Variants in CRACDL observed in about 807,000 individuals in gnomAD.
CRACDL encodes the protein CRACD-like protein.
Under a neutral mutation model 70.6 loss-of-function variants are expected in CRACDL, and 26 were observed. The ratio of observed to expected loss-of-function variants is 0.37; its 90% confidence interval spans 0.27 to 0.51. The LOEUF is 0.51. CRACDL is among the 20% of genes least tolerant of loss of function. The probability of loss-of-function intolerance (pLI) is 0.94; values close to 1 mark genes in which losing one functional copy is unlikely to be tolerated. For missense variants in CRACDL, 1,283 were observed against 1,376.9 expected, an observed-to-expected ratio of 0.93 and a Z score of 1.08; for synonymous variants, 618 against 615.2, an observed-to-expected ratio of 1.00 and a Z score of -0.07.
intron 1 of CRACDL, among the ~76,000 whole-genome samples, chr2:98,927,140 T>C (rs1573210474): frequency 6.6e-6 from 1 of 152,178 alleles, no homozygotes; most frequent in Non-Finnish European, 1.5e-5. Flanking sequence ...ACTATGGACG[T>C]ATCTGGTTTC....
At position 98,838,296 on chromosome 2, in the gene CRACDL, A is replaced by T. The variant is rs777944858; in HGVS notation, c.71-9T>A. The T allele has an allele frequency of 1.1e-5, 16 of 1,495,728 alleles. No individual in the cohort carries two copies. The African/African-American group carries it at 2.2e-4, about 21-fold the overall frequency. The allele number at this position is 1,495,728 out of a possible 1,614,324, so 92.7% of individuals were successfully genotyped here. Reference sequence around the variant, plus strand: ...TTTAGATTTTTTCTTTCCTATACAGATTAGAGAAAAAAATAATAAATAAGA... The same window carrying T: ...TTTAGATTTTTTCTTTCCTATACAGTTTAGAGAAAAAAATAATAAATAAGA... On this transcript the variant is annotated splice_polypyrimidine_tract_variant and intron_variant, in intron 2 of 9. Transcript: ENST00000397899.
At chr2:98,801,117 C>G (rs1363350733) in intron 7 of CRACDL, among the ~76,000 whole-genome samples, 1 of 152,250 alleles carries the variant, frequency 6.6e-6, no homozygotes, top group Non-Finnish European at 1.5e-5. Context: ...CTGCCTCTTT[C>G]CCTGCAACTG....
intron 1 of CRACDL, among the ~76,000 whole-genome samples, chr2:98,869,957 T>A (rs1261042574): frequency 6.6e-6 from 1 of 152,080 alleles, no homozygotes; most frequent in East Asian, 1.9e-4. Flanking sequence ...ACCTGACAGG[T>A]GCAGGGGCCA....
chr2:98,907,262 A>G (rs2104668423), intron 1 of CRACDL, among the ~76,000 whole-genome samples: 1 of 152,348 alleles, frequency 6.6e-6, no homozygotes, highest in Admixed American at 6.5e-5. Context: ...ATTGCACTGC[A>G]GCCTAGGCGA....
In CRACDL at chr2:98,799,688, G is replaced by T. The variant is rs115129938; in HGVS notation, c.2417-2151C>A. Among the ~76,000 whole-genome samples the T allele has an allele frequency of 6.7e-3, 1,015 of 152,260 alleles. 2 individuals carry two copies. Among genetic ancestry groups the T allele is most frequent in the Middle Eastern group, 0.02 (6 of 294 alleles). ...CTCCTCCTCTACCCTTAGCTCAAAT[G>T]GCCTCTGCCTATGTCTCGTCAGCCA... On this transcript the variant is annotated intron_variant, in intron 7 of 9. Coordinates refer to ENST00000397899, the MANE Select transcript of CRACDL (RefSeq NM_207362.3).
chr2:98,857,847 G>A (rs1008891167), intron 1 of CRACDL, among the ~76,000 whole-genome samples: 2 of 152,152 alleles, frequency 1.3e-5, no homozygotes, highest in African/African-American at 2.4e-5. Context: ...ATGTGTATGT[G>A]TATGTGTGTA....
At chr2:98,859,679 A>G (rs1422414146) in intron 1 of CRACDL, among the ~76,000 whole-genome samples, 1 of 152,200 alleles carries the variant, frequency 6.6e-6, no homozygotes, top group Non-Finnish European at 1.5e-5. Context: ...AAGGGCATCT[A>G]TGAAAAACCT....
intron 1 of CRACDL, among the ~76,000 whole-genome samples, chr2:98,907,437 G>T (rs984023152): frequency 1.3e-5 from 2 of 152,190 alleles, no homozygotes; most frequent in African/African-American, 4.8e-5. Context: ...TCAAAGAGTT[G>T]TTCCCTGTGC....
In CRACDL at chr2:98,883,180, C is replaced by A. The variant is rs574434220; in HGVS notation, c.-10-36370G>T. 2.6e-5 allele frequency among the ~76,000 whole-genome samples: 4 copies of A among 152,320 alleles called. No homozygotes were observed. The South Asian group carries it at 8.3e-4, about 32-fold the overall frequency. ...AAAGGAAGCCTTTGGATGTCTCATA[C>A]AGTATTCTGTGCCCATTGGGAGCAG... is the stretch of plus-strand genomic sequence containing the variant. On this transcript the variant is annotated intron_variant, in intron 1 of 9. Coordinates refer to ENST00000397899, the MANE Select transcript of CRACDL (RefSeq NM_207362.3).
intron 1 of CRACDL, among the ~76,000 whole-genome samples, chr2:98,932,356 C>A (rs904819503): frequency 6.6e-6 from 1 of 152,212 alleles, no homozygotes; most frequent in Admixed American, 6.5e-5. Flanking sequence ...CCCCTGATTA[C>A]CTCCCCTTCC....
intron 1 of CRACDL, among the ~76,000 whole-genome samples, chr2:98,895,009 G>T (rs913803665): frequency 6.6e-6 from 1 of 152,196 alleles, no homozygotes; most frequent in African/African-American, 2.4e-5. Flanking sequence ...TACTCAGGAG[G>T]CTGAGGTTGG....
chr2:98,889,418 T>G (rs939643945), intron 1 of CRACDL, among the ~76,000 whole-genome samples: 5 of 151,974 alleles, frequency 3.3e-5, no homozygotes, highest in Admixed American at 6.6e-5. Context: ...AGATAAAAAT[T>G]ACTACAGACA....
intron 1 of CRACDL, among the ~76,000 whole-genome samples, chr2:98,921,299 C>G (rs1334385605): frequency 6.6e-6 from 1 of 152,220 alleles, no homozygotes. Context: ...GGCAGGGCAG[C>G]CACAAGTGGT....
intron 1 of CRACDL, among the ~76,000 whole-genome samples, chr2:98,935,687 A>G (rs1023915386): frequency 6.6e-6 from 1 of 152,212 alleles, no homozygotes; most frequent in Non-Finnish European, 1.5e-5. Flanking sequence ...AGTTGGGTCC[A>G]GCAAAGTGAG....
At chr2:98,914,192 CTG>C (rs1399558218) in intron 1 of CRACDL, among the ~76,000 whole-genome samples, 3 of 152,244 alleles carry the variant, frequency 2.0e-5, no homozygotes, top group Non-Finnish European at 4.4e-5. Context: ...ACCCAGGTGA[CTG>C]TGTTGGTGAA....
intron 6 of CRACDL, among the ~76,000 whole-genome samples, chr2:98,825,847 C>T (rs1040350309): frequency 2.0e-5 from 3 of 152,222 alleles, no homozygotes; most frequent in African/African-American, 7.2e-5. Flanking sequence ...TTAAAGAACA[C>T]CTTCCATATG....
chr2:98,909,251 T>C (rs1205637300), intron 1 of CRACDL, among the ~76,000 whole-genome samples: 1 of 152,220 alleles, frequency 6.6e-6, no homozygotes, highest in Non-Finnish European at 1.5e-5. Flanking sequence ...CTGTCCCTTA[T>C]GATATTTGCA....
intron 1 of CRACDL, among the ~76,000 whole-genome samples, chr2:98,920,776 G>A (rs1708784286): frequency 6.6e-6 from 1 of 152,164 alleles, no homozygotes; most frequent in Admixed American, 6.5e-5. Context: ...TCTACTTTGT[G>A]ATAAGAATCA....
At chr2:98,919,028 C>T (rs1708735117) in intron 1 of CRACDL, among the ~76,000 whole-genome samples, 1 of 152,094 alleles carries the variant, frequency 6.6e-6, no homozygotes, top group Admixed American at 6.5e-5. Context: ...AGAAGAGTTT[C>T]CCCTAGGTTT....
Sources: allele counts gnomAD v4.1 joint callset (sites outside exome capture counted in the v4.1 genomes callset), GRCh38; gene constraint gnomAD v4.1.1; transcripts MANE v1.5; gene names NCBI Gene and HGNC (gene_info 2026-07-23, HGNC 2026-07-21).